The following PTGES3L variants were observed in gnomAD, a reference collection of about 807,000 sequenced individuals.
PTGES3L encodes prostaglandin E synthase 3 like, also known as putative protein PTGES3L.
A neutral mutation model predicts 25.0 loss-of-function variants in PTGES3L; 17 were observed. The ratio of observed to expected loss-of-function variants is 0.68; its 90% CI spans 0.47 to 1.02. PTGES3L has a LOEUF of 1.02. Ranked by LOEUF, PTGES3L falls within the 50% of genes least tolerant of loss-of-function variation. The pLI is 0.00. For synonymous variants in PTGES3L, 59 were observed against 65.7 expected (o/e 0.90, Z 0.50); for missense variants, 202 against 197.5 (o/e 1.02, Z -0.14).
chr17:42,972,302 T>G (rs1325310520), intron 4 of PTGES3L: 1 of 3,540 alleles, frequency 2.8e-4, no homozygotes, highest in Non-Finnish European at 1.5e-3. Flanking sequence ...TTATGCCCTC[T>G]CTCTCTCCCT....
At position 42,970,292 on chromosome 17, in the gene PTGES3L, C is replaced by T; in HGVS notation, c.429G>A (p.Leu143=). The T allele has an allele frequency of 2.5e-6, 4 of 1,613,876 alleles. No homozygotes were observed. Among genetic ancestry groups the T allele is most frequent in the Non-Finnish European group, 3.4e-6 (4 of 1,179,864 alleles). The change falls in exon 6 of 7, where the codon TTG becomes TTA. Residue 143 remains leucine (L), a synonymous_variant. Coordinates refer to ENST00000591916, the MANE Select transcript of PTGES3L (RefSeq NM_001261430.2). ...TKRPPPAMDD[L]DDDSDSADDA... ...TTGAGGGGAAGGCTTTACTTACATC[C>T]AAATCATCCATGGCAGGTGGAGGTC...
At chr17:42,977,666 A>T (rs1157908481) in intron 4 of PTGES3L, among the ~76,000 whole-genome samples, 1 of 129,568 alleles carries the variant, frequency 7.7e-6, no homozygotes, top group African/African-American at 3.3e-5. Context: ...GGAGGAAGGG[A>T]GGGAGAGAGA....
chr17:42,972,097 A>G (rs1408419563), intron 4 of PTGES3L: 1 of 182,664 alleles, frequency 5.5e-6, no homozygotes, highest in Non-Finnish European at 1.1e-5. Context: ...CTGAGGCAGG[A>G]GAATTGCTTG....
chr17:42,970,820 T>C (rs1368514272), intron 5 of PTGES3L, among the ~76,000 whole-genome samples: 2 of 151,402 alleles, frequency 1.3e-5, no homozygotes, highest in African/African-American at 2.4e-5. Context: ...CTGGCCAACA[T>C]GATGAAACCC....
intron 4 of PTGES3L, among the ~76,000 whole-genome samples, chr17:42,977,903 A>G (rs2049988639): frequency 6.6e-6 from 1 of 151,252 alleles, no homozygotes; most frequent in Non-Finnish European, 1.5e-5. Context: ...ACATGTTGAA[A>G]CACTGTCTCT....
intron 4 of PTGES3L, among the ~76,000 whole-genome samples, chr17:42,974,068 C>CA (rs2049910696): frequency 6.6e-6 from 1 of 151,038 alleles, no homozygotes; most frequent in Admixed American, 6.6e-5. Flanking sequence ...ATAAGACAGA[C>CA]AAGCTGCAGC....
chr17:42,976,384 TTTC>T (rs1346340332), intron 4 of PTGES3L, among the ~76,000 whole-genome samples: 1 of 152,120 alleles, frequency 6.6e-6, no homozygotes, highest in Non-Finnish European at 1.5e-5. Context: ...GTCAAAATAA[TTTC>T]TTTTTTTTTG....
intron 3 of PTGES3L, 47 bp from the exon 4 acceptor site, chr17:42,979,315 A>G: frequency 3.7e-6 from 6 of 1,614,062 alleles, no homozygotes; most frequent in Non-Finnish European, 5.1e-6. Context: ...TTTAGAATTA[A>G]TCTCCAGTTT....
At chr17:42,972,760 G>C (rs1258313636) in intron 4 of PTGES3L, among the ~76,000 whole-genome samples, 1 of 151,740 alleles carries the variant, frequency 6.6e-6, no homozygotes, top group Non-Finnish European at 1.5e-5. Context: ...TGGGAAGTGA[G>C]GAGTGTCTCT....
chr17:42,972,321 C>T lies in PTGES3L; in HGVS notation c.289-625G>A, dbSNP rs2049856910. Among the ~76,000 whole-genome samples the T allele has an allele frequency of 4.2e-5, 6 of 141,670 alleles. No homozygotes were observed. In the South Asian group the frequency reaches 1.2e-3, roughly 29 times the overall value. 92.9% of individuals were successfully genotyped at this position (141,670 alleles called of 152,430 possible). On this transcript the variant is annotated intron_variant, in intron 4 of 6. Transcript: ENST00000591916. Reference sequence around the variant, plus strand: ...GCCCTCTCTCTCTCCCTCTCCCTCTCCCCCTCCCCCTCCCCCTCCCCATGG... The same window carrying T: ...GCCCTCTCTCTCTCCCTCTCCCTCTTCCCCTCCCCCTCCCCCTCCCCATGG...
chr17:42,979,125 C>T, intron 4 of PTGES3L, 45 bp downstream of exon 4: 1 of 1,607,778 alleles, frequency 6.2e-7, no homozygotes. Context: ...CAGCTGTAAC[C>T]TGGGTACATG....
chr17:42,975,134 T>TTA (rs1208789455), intron 4 of PTGES3L, among the ~76,000 whole-genome samples: 3 of 11,066 alleles, frequency 2.7e-4, no homozygotes, highest in African/African-American at 9.5e-4. Context: ...ACATCCTGTC[T>TTA]CAAAAAAAAA....
chr17:42,977,292 G>A (rs994000518), intron 4 of PTGES3L, among the ~76,000 whole-genome samples: 1 of 152,064 alleles, frequency 6.6e-6, no homozygotes, highest in African/African-American at 2.4e-5. Flanking sequence ...TGGGCATGGT[G>A]GTGGGCACCT....
intron 1 of PTGES3L, 177 bp from the exon 2 acceptor site, chr17:42,979,840 C>G (rs1765531987): frequency 6.9e-7 from 1 of 1,439,984 alleles, no homozygotes; most frequent in Admixed American, 2.5e-5. Context: ...TGAATGTGAA[C>G]CTGGGAAGAA....
intron 4 of PTGES3L, among the ~76,000 whole-genome samples, chr17:42,975,042 G>A (rs2049929762): frequency 6.7e-6 from 1 of 148,472 alleles, no homozygotes; most frequent in South Asian, 2.1e-4. Flanking sequence ...AGGCTAAGGT[G>A]AGAGGATTGC....
chr17:42,971,410 C>G (rs1388807174), intron 5 of PTGES3L, among the ~76,000 whole-genome samples, 197 bp downstream of exon 5: 3 of 152,164 alleles, frequency 2.0e-5, no homozygotes, highest in Non-Finnish European at 2.9e-5. Flanking sequence ...TATATAATTT[C>G]AATAATATTC....
rs2050032088 is a variant in PTGES3L, at chr17:42,979,460, A to G, written c.123-16T>C. The G allele has an allele frequency of 1.9e-6, 3 of 1,614,200 alleles. No individual in the cohort carries two copies. The highest frequency in any genetic ancestry group is 2.5e-6 in the Non-Finnish European group (3 of 1,180,020). On this transcript the variant is annotated splice_polypyrimidine_tract_variant and intron_variant, in intron 2 of 6. Transcript: ENST00000591916. ...ATTCTTGCAGCTGAGGAGACAATGA[A>G]GCTGAGGAGATGCGGAATACTCCGT... is the stretch of plus-strand genomic sequence containing the variant.
At chr17:42,970,061 A>T (rs527650834) in intron 6 of PTGES3L, among the ~76,000 whole-genome samples, 43 of 152,244 alleles carry the variant, frequency 2.8e-4, no homozygotes, top group African/African-American at 1.0e-3. Flanking sequence ...CAGGAGGCAG[A>T]GGTTGCAGTG....
chr17:42,970,269 G>C lies in PTGES3L; in HGVS notation c.432+20C>G, dbSNP rs751826003. On this transcript the variant is annotated intron_variant, in intron 6 of 6. Transcript: ENST00000591916. The stretch of plus-strand genomic sequence containing the variant: ...AGGGCTACAAAGAAACTGAAGGGTT[G>C]AGGGGAAGGCTTTACTTACATCCAA... 9.3e-6 allele frequency: 15 copies of C among 1,613,872 alleles called. No homozygotes were observed. Among genetic ancestry groups the C allele is most frequent in the Middle Eastern group, 1.6e-4 (1 of 6,062 alleles).
Sources: gnomAD v4.1 joint callset for allele counts (sites outside exome capture counted in the v4.1 genomes callset) on GRCh38, gnomAD v4.1.1 for gene constraint, MANE v1.5 for transcripts, NCBI Gene and HGNC (gene_info 2026-07-23, HGNC 2026-07-21) for gene names.